ATF7: variants seen among roughly 807,000 people sequenced by gnomAD.
The protein encoded by ATF7 is cyclic AMP-dependent transcription factor ATF-7.
Under a neutral mutation model 50.4 loss-of-function variants are expected in ATF7, and 10 were observed. That is an observed-to-expected ratio of 0.20 (90% CI 0.12 to 0.34). The LOEUF is 0.34. Among genes scored for constraint, ATF7 ranks in the 10% least tolerant of loss-of-function variants. The probability of loss-of-function intolerance (pLI) is 1.00; values close to 1 mark genes in which losing one functional copy is unlikely to be tolerated. For synonymous variants in ATF7, 201 were observed against 226.4 expected (o/e 0.89, Z 1.01); for missense variants, 465 against 613.9 (o/e 0.76, Z 2.56).
chr12:53,600,014 C>T (rs980706531), intron 2 of ATF7, among the ~76,000 whole-genome samples: 2 of 152,010 alleles, frequency 1.3e-5, no homozygotes, highest in African/African-American at 4.8e-5. Flanking sequence ...AAATGACATA[C>T]AATATACACA....
chr12:53,545,047 C>G (rs932699358), intron 3 of ATF7, among the ~76,000 whole-genome samples: 4 of 152,132 alleles, frequency 2.6e-5, no homozygotes, highest in Non-Finnish European at 5.9e-5. Flanking sequence ...AAAATCATAA[C>G]TCAAGTGGAA....
chr12:53,594,706 G>A (rs1259910502), intron 2 of ATF7, among the ~76,000 whole-genome samples: 1 of 152,046 alleles, frequency 6.6e-6, no homozygotes, highest in Non-Finnish European at 1.5e-5. Context: ...TGGCCAACAT[G>A]GCGACACCCC....
downstream of ATF7, among the ~76,000 whole-genome samples, chr12:53,509,944 C>T (rs1361434255): frequency 2.0e-5 from 3 of 152,156 alleles, no homozygotes; most frequent in South Asian, 2.1e-4. Flanking sequence ...TCTGTTAATG[C>T]GGACTAAGCC....
intron 8 of ATF7, 92 bp downstream of exon 8, chr12:53,532,418 G>A: frequency 9.6e-7 from 1 of 1,044,446 alleles, no homozygotes; most frequent in Non-Finnish European, 1.4e-6. Flanking sequence ...GCCCCAGAAG[G>A]TTCCTTTGCT....
intron 11 of ATF7, among the ~76,000 whole-genome samples, chr12:53,522,050 T>C (rs984124688): frequency 3.3e-5 from 5 of 152,224 alleles, no homozygotes; most frequent in Non-Finnish European, 5.9e-5. Context: ...TTATTGACCA[T>C]AGGCAAATTA....
At chr12:53,535,381 G>A (rs1012864021) in intron 5 of ATF7, among the ~76,000 whole-genome samples, 6 of 151,208 alleles carry the variant, frequency 4.0e-5, no homozygotes, top group Non-Finnish European at 8.8e-5. Context: ...TAATGTTTAT[G>A]AGAAGACAGA....
At chr12:53,530,733 G>A (rs1938814400) in intron 9 of ATF7, among the ~76,000 whole-genome samples, 1 of 151,980 alleles carries the variant, frequency 6.6e-6, no homozygotes, top group Non-Finnish European at 1.5e-5. Context: ...TCAGCCTCCT[G>A]AGTAGCTGGG....
At chr12:53,580,863 G>A (rs1237914937) in intron 2 of ATF7, among the ~76,000 whole-genome samples, 1 of 151,944 alleles carries the variant, frequency 6.6e-6, no homozygotes, top group Non-Finnish European at 1.5e-5. Flanking sequence ...TGTAACCCCA[G>A]CACTTTGGGA....
At chr12:53,566,902 C>T (rs377486322) in intron 2 of ATF7, among the ~76,000 whole-genome samples, 30 of 152,166 alleles carry the variant, frequency 2.0e-4, no homozygotes, top group African/African-American at 5.3e-4. Context: ...TACAGACACA[C>T]GCCACCATGC....
At chr12:53,532,432 C>T in intron 8 of ATF7, 78 bp downstream of exon 8, 1 of 1,201,906 alleles carries the variant, frequency 8.3e-7, no homozygotes, top group Non-Finnish European at 1.2e-6. Context: ...CTTTGCTTGG[C>T]TCACTTGAAA....
intron 1 of ATF7, among the ~76,000 whole-genome samples, chr12:53,611,970 G>C (rs34416866): frequency 6.6e-6 from 1 of 152,082 alleles, no homozygotes; most frequent in South Asian, 2.1e-4. Context: ...TAGGAAAACA[G>C]CTGCATTTTT....
intron 2 of ATF7, among the ~76,000 whole-genome samples, chr12:53,557,313 C>G (rs899341548): frequency 4.6e-5 from 7 of 152,062 alleles, no homozygotes; most frequent in African/African-American, 1.7e-4. Flanking sequence ...GCAATCCCCC[C>G]ACCCCAGCCT....
At chr12:53,545,616 G>A (rs1164811061) in intron 3 of ATF7, among the ~76,000 whole-genome samples, 2 of 152,072 alleles carry the variant, frequency 1.3e-5, no homozygotes, top group Non-Finnish European at 2.9e-5. Context: ...GATTATAGGC[G>A]TGAGCCACCG....
chr12:53,606,913 T>C (rs939526310), intron 1 of ATF7, among the ~76,000 whole-genome samples: 6 of 152,090 alleles, frequency 3.9e-5, no homozygotes, highest in South Asian at 2.1e-4. Context: ...TATGGCTGCA[T>C]AGTATTCCAT....
intron 11 of ATF7, among the ~76,000 whole-genome samples, chr12:53,520,250 C>T (rs1031397952): frequency 6.6e-6 from 1 of 152,062 alleles, no homozygotes; most frequent in African/African-American, 2.4e-5. Context: ...TCTGCTGTCT[C>T]CCTTGGGAAC....
chr12:53,621,363 T>G (rs762334837), intron 1 of ATF7, among the ~76,000 whole-genome samples: 6 of 152,202 alleles, frequency 3.9e-5, no homozygotes, highest in Non-Finnish European at 7.3e-5. Context: ...GTATCATGTT[T>G]ATCAAATTTA....
rs555280767 is a variant in ATF7, at chr12:53,540,589, C to T, written c.264+2741G>A. ...AAATACAAAAAAATTAGCCAGGCGT[C>T]GTGGCATGCACCTGTAATCCCAGGT... is the stretch of plus-strand genomic sequence containing the variant. On this transcript the variant is annotated intron_variant, in intron 4 of 11. Transcript: ENST00000420353. Among the ~76,000 whole-genome samples the T allele has an allele frequency of 5.3e-5, 8 of 150,896 alleles. No homozygotes were observed. The East Asian group carries it at 9.8e-4, about 18-fold the overall frequency.
chr12:53,567,057 TCA>T (rs1450752784), intron 2 of ATF7, among the ~76,000 whole-genome samples: 1 of 152,220 alleles, frequency 6.6e-6, no homozygotes, highest in East Asian at 1.9e-4. Flanking sequence ...CAGCCTGTGT[TCA>T]CACAGTTTTA....
chr12:53,605,783 G>A (rs1190902727), intron 1 of ATF7, among the ~76,000 whole-genome samples: 1 of 151,988 alleles, frequency 6.6e-6, no homozygotes, highest in Non-Finnish European at 1.5e-5. Flanking sequence ...AGAGGTATGG[G>A]GTAGAATATA....
Sources: gnomAD v4.1 joint callset for allele counts (sites outside exome capture counted in the v4.1 genomes callset) on GRCh38, gnomAD v4.1.1 for gene constraint, MANE v1.5 for transcripts, NCBI Gene and HGNC (gene_info 2026-07-23, HGNC 2026-07-21) for gene names.